DENND2C: variants seen among roughly 807,000 people sequenced by gnomAD.
The protein encoded by DENND2C is DENN domain containing 2C.
DENND2C carries 72 observed loss-of-function variants against 112.4 expected under a neutral mutation model. That is an observed-to-expected ratio of 0.64 (90% CI 0.53 to 0.78). The LOEUF (loss-of-function observed/expected upper bound fraction) is 0.78. Ranked by LOEUF, DENND2C falls within the 30% of genes least tolerant of loss-of-function variation. The pLI is 0.00. For missense variants in DENND2C, 992 were observed against 1,113.8 expected (o/e 0.89, Z 1.56); for synonymous variants, 329 against 381.6 (o/e 0.86, Z 1.61).
intron 18 of DENND2C, 32 bp from the exon 19 acceptor site, chr1:114,587,984 A>C: frequency 1.9e-6 from 3 of 1,585,804 alleles, no homozygotes; most frequent in Non-Finnish European, 2.6e-6. Flanking sequence ...AAAAAGAAAA[A>C]AATCTCCTCA....
intron 2 of DENND2C, among the ~76,000 whole-genome samples, chr1:114,650,657 G>C (rs146780024): frequency 0.032 from 3,616 of 113,538 alleles, 172 homozygotes; most frequent in African/African-American, 0.11. Context: ...CTGGGCGACA[G>C]AGCGAGACTC....
chr1:114,662,190 A>T (rs1170222048), intron 1 of DENND2C, among the ~76,000 whole-genome samples: 1 of 152,232 alleles, frequency 6.6e-6, no homozygotes, highest in East Asian at 1.9e-4. Flanking sequence ...TTATTTAATC[A>T]GAATATCAAA....
Position 114,625,832 on chromosome 1 carries a change from G to A in DENND2C, c.153C>T (p.Asn51=), listed in dbSNP as rs1247608738. ...TCTTAAGACGGATCTCTTGGTGACA[G>A]TTATATCTCACTCCAAAGTCCTTTG... is the stretch of plus-strand genomic sequence containing the variant. ...WCPKDFGVRY[N]CHQEIRLKKN... is the part of the protein sequence containing the mutation. Residue 51 remains asparagine, a synonymous_variant, in exon 4 of 21, where the codon AAC becomes AAT. Transcript: ENST00000393274. 3.1e-6 allele frequency: 5 copies of A among 1,613,948 alleles called. No individual in the cohort carries two copies. Among genetic ancestry groups the A allele is most frequent in the Non-Finnish European group, 4.2e-6 (5 of 1,180,002 alleles).
intron 2 of DENND2C, among the ~76,000 whole-genome samples, chr1:114,648,406 CG>C (rs1478961626): frequency 6.6e-6 from 1 of 152,160 alleles, no homozygotes; most frequent in African/African-American, 2.4e-5. Flanking sequence ...CAATAGGAGT[CG>C]AATACCCCCA....
chr1:114,662,700 G>C (rs1019048745), intron 1 of DENND2C, among the ~76,000 whole-genome samples: 1 of 151,968 alleles, frequency 6.6e-6, no homozygotes, highest in Non-Finnish European at 1.5e-5. Context: ...TAATGGCTTC[G>C]TACCCCCAGC....
intron 1 of DENND2C, among the ~76,000 whole-genome samples, chr1:114,667,426 T>C (rs1046042401): frequency 1.3e-5 from 2 of 152,146 alleles, no homozygotes; most frequent in Non-Finnish European, 2.9e-5. Context: ...AACAGATATT[T>C]TTAACTTCTT....
intron 8 of DENND2C, among the ~76,000 whole-genome samples, chr1:114,615,131 A>G (rs188398707): frequency 6.6e-6 from 1 of 152,344 alleles, no homozygotes; most frequent in Admixed American, 6.5e-5. Context: ...TGTGATTTGC[A>G]ATGTGTAATT....
chr1:114,596,456 T>C (rs1259287173), intron 16 of DENND2C, among the ~76,000 whole-genome samples: 1 of 152,248 alleles, frequency 6.6e-6, no homozygotes, highest in Non-Finnish European at 1.5e-5. Flanking sequence ...ATGAGACAAC[T>C]AGAGATTTAA....
chr1:114,669,156 A>C (rs1002983406), intron 1 of DENND2C, among the ~76,000 whole-genome samples: 2 of 152,252 alleles, frequency 1.3e-5, no homozygotes, highest in African/African-American at 2.4e-5. Flanking sequence ...AAACGTTTGT[A>C]AAGTGCCTAC....
chr1:114,632,152 C>T (rs909872314), intron 3 of DENND2C, among the ~76,000 whole-genome samples: 2 of 152,128 alleles, frequency 1.3e-5, no homozygotes, highest in Non-Finnish European at 2.9e-5. Flanking sequence ...AAAAACAGAG[C>T]TTCACTGGGA....
chr1:114,637,740 C>T (rs2101678177), intron 3 of DENND2C, among the ~76,000 whole-genome samples: 1 of 152,234 alleles, frequency 6.6e-6, no homozygotes, highest in African/African-American at 2.4e-5. Context: ...GTCTTGAACT[C>T]CTGGCCTCAA....
At chr1:114,654,396 C>T (rs1259059182) in intron 2 of DENND2C, 109 bp downstream of exon 2, 1 of 151,950 alleles carries the variant, frequency 6.6e-6, no homozygotes, top group Non-Finnish European at 1.5e-5. Flanking sequence ...CACGCCACTG[C>T]ACTCCAGCCT....
intron 3 of DENND2C, among the ~76,000 whole-genome samples, chr1:114,634,030 A>G (rs1656578283): frequency 6.6e-6 from 1 of 152,230 alleles, no homozygotes; most frequent in Admixed American, 6.5e-5. Context: ...GCAGTGATAA[A>G]GAAGGACATT....
chr1:114,614,827 G>A (rs1655919353), intron 8 of DENND2C, among the ~76,000 whole-genome samples: 1 of 152,008 alleles, frequency 6.6e-6, no homozygotes, highest in Non-Finnish European at 1.5e-5. Context: ...CCTGGCCAAC[G>A]TGGTGAAACC....
chr1:114,607,713 TAAAAAAA>T (rs1041501579), intron 10 of DENND2C, among the ~76,000 whole-genome samples: 4 of 152,000 alleles, frequency 2.6e-5, no homozygotes, highest in African/African-American at 9.7e-5. Context: ...AACAATTTTT[TAAAAAAA>T]GGTAGAGAAA....
intron 18 of DENND2C, among the ~76,000 whole-genome samples, chr1:114,592,913 G>A (rs1365721636): frequency 6.6e-6 from 1 of 152,076 alleles, no homozygotes; most frequent in Admixed American, 6.6e-5. Context: ...CTTTGCAGCT[G>A]TAGGCATAAT....
intron 3 of DENND2C, among the ~76,000 whole-genome samples, chr1:114,640,383 G>A (rs754329329): frequency 6.6e-6 from 1 of 152,214 alleles, no homozygotes; most frequent in Admixed American, 6.5e-5. Flanking sequence ...TGTCTAGACT[G>A]TTCTTGTTAC....
chr1:114,596,350 G>C (rs1174108702), intron 16 of DENND2C, among the ~76,000 whole-genome samples: 1 of 152,158 alleles, frequency 6.6e-6, no homozygotes, highest in Non-Finnish European at 1.5e-5. Flanking sequence ...GACAGAGTGA[G>C]ACCCTGTCTC....
In DENND2C at chr1:114,627,723, G is replaced by A. The variant is rs529836299; in HGVS notation, c.-204-1535C>T. ...AAAAAACTAATGCATACAATTTAAA[G>A]ATCTAATCTGCTACTGTTGATTATT... On this transcript the variant is annotated intron_variant, in intron 3 of 20. Coordinates refer to ENST00000393274, the MANE Select transcript of DENND2C (RefSeq NM_001256404.2). 2.6e-5 allele frequency among the ~76,000 whole-genome samples: 4 copies of A among 152,166 alleles called. No individual in the cohort carries two copies. The East Asian group carries it at 7.7e-4, about 29-fold the overall frequency.
Sources: gnomAD v4.1 joint callset for allele counts (sites outside exome capture counted in the v4.1 genomes callset) on GRCh38, gnomAD v4.1.1 for gene constraint, MANE v1.5 for transcripts, NCBI Gene and HGNC (gene_info 2026-07-23, HGNC 2026-07-21) for gene names.